The following DNMT1 variants were observed in gnomAD, a reference collection of about 807,000 sequenced individuals.
DNMT1 encodes DNA (cytosine-5)-methyltransferase 1.
In DNMT1, 24 loss-of-function variants were observed where a neutral mutation model predicts 205.3. The observed-to-expected ratio is 0.12, with a 90% confidence interval of 0.08 to 0.16. The LOEUF (loss-of-function observed/expected upper bound fraction) is 0.16. Ranked by LOEUF, DNMT1 falls within the 10% of genes least tolerant of loss-of-function variation. The probability of loss-of-function intolerance (pLI) is 1.00; values close to 1 mark genes in which losing one functional copy is unlikely to be tolerated. For synonymous variants in DNMT1, 817 were observed against 839.8 expected (o/e 0.97, Z 0.47); for missense variants, 1,293 against 2,177.7 (o/e 0.59, Z 8.09).
At chr19:10,194,693 G>C (rs1960846069) in intron 1 of DNMT1, 127 bp downstream of exon 1, 1 of 1,296,310 alleles carries the variant, frequency 7.7e-7, no homozygotes, top group Non-Finnish European at 1.0e-6. Context: ...GCCGCTGCGC[G>C]CCGCACCACC....
At position 10,133,350 on chromosome 19, in the gene DNMT1, T is replaced by G; in HGVS notation, c.*317A>C. On this transcript the variant is annotated 3_prime_UTR_variant, in exon 41 of 41. Coordinates refer to ENST00000359526, the MANE Select transcript of DNMT1 (RefSeq NM_001130823.3). This position sits in a 1 kb window ranked among gnomAD's most constrained non-coding sequence, Gnocchi z 4.1. Reference sequence around the variant, plus strand: ...ATCACGAATACCCACCCAGGGTGGTTTATAGGAGAGATTTATTTGAAGAAA... The same window carrying G: ...ATCACGAATACCCACCCAGGGTGGTGTATAGGAGAGATTTATTTGAAGAAA... 7.0e-6 allele frequency: 3 copies of G among 430,252 alleles called. No individual in the cohort carries two copies. 26.7% of individuals were successfully genotyped at this position (430,252 alleles called of 1,614,324 possible).
chr19:10,146,343 G>A lies in DNMT1; in HGVS notation c.2894+8C>T, dbSNP rs373964296. 5.0e-6 allele frequency: 8 copies of A among 1,613,704 alleles called. No homozygotes were observed. The African/African-American group carries it at 8.0e-5, about 16-fold the overall frequency. ...CCCTGGCCCCGGCTGCTCCGAGGGG[G>A]CACTTACTTGAACGTGAAGGCCTCA... On this transcript the variant is annotated splice_region_variant and intron_variant, in intron 28 of 40. Coordinates refer to ENST00000359526, the MANE Select transcript of DNMT1 (RefSeq NM_001130823.3). The surrounding 1 kb of genome is among the most constrained non-coding windows in gnomAD (Gnocchi z 4.4).
chr19:10,187,713 T>C (rs774177706), intron 1 of DNMT1, among the ~76,000 whole-genome samples: 12 of 129,116 alleles, frequency 9.3e-5, no homozygotes, highest in Admixed American at 4.8e-4. Flanking sequence ...CTACAAAAAA[T>C]AGTAATTAGC....
At chr19:10,180,968 T>C (rs2039035435) in intron 2 of DNMT1, 83 bp from the exon 3 acceptor site, 2 of 1,100,380 alleles carry the variant, frequency 1.8e-6, no homozygotes, top group South Asian at 1.3e-5. Context: ...TTGAGCTGCC[T>C]GATCACATCA....
At chr19:10,169,980 G>A (rs1419435201) in intron 9 of DNMT1, among the ~76,000 whole-genome samples, 1 of 152,108 alleles carries the variant, frequency 6.6e-6, no homozygotes, top group Non-Finnish European at 1.5e-5. Flanking sequence ...GGGTAGGAAA[G>A]GTGATCAATG....
chr19:10,144,757 G>A (rs1162064657), intron 28 of DNMT1: 2 of 152,248 alleles, frequency 1.3e-5, no homozygotes, highest in East Asian at 1.9e-4. Context: ...CGTGGTTTTT[G>A]TTGAGAGAGT....
chr19:10,147,302 T>A (rs2145285567), intron 27 of DNMT1, among the ~76,000 whole-genome samples: 1 of 147,162 alleles, frequency 6.8e-6, no homozygotes, highest in East Asian at 2.0e-4. Flanking sequence ...ATAAAAGAGG[T>A]TGGGTGATAA....
intron 27 of DNMT1, among the ~76,000 whole-genome samples, chr19:10,148,282 G>A (rs929134901): frequency 5.8e-4 from 88 of 151,236 alleles, no homozygotes; most frequent in African/African-American, 2.0e-3. Flanking sequence ...AGATCACAAG[G>A]TCAGGAGATC....
Position 10,154,475 on chromosome 19 carries a change from C to T in DNMT1, c.1837G>A (p.Ala613Thr), listed in dbSNP as rs2145307572. ...CTGATGGTCTGCCGCCTCGCCTGGG[C>T]TCGCCTACGGGAGAGGTTCCAGCAT... ...LAGVTLGQRR[A>T]QARRQTIRHS... is the part of the protein sequence containing the mutation. Residue 613 changes from alanine to threonine, a missense_variant, in exon 22 of 41, where the codon GCC becomes ACC. Physicochemically the swap from Ala to Thr is moderately conservative, Grantham distance 58. Coordinates refer to ENST00000359526, the MANE Select transcript of DNMT1 (RefSeq NM_001130823.3). This position sits in a 1 kb window ranked among gnomAD's most constrained non-coding sequence, Gnocchi z 6.3. 6.2e-7 allele frequency: 1 copy of T among 1,614,190 alleles called. No homozygotes were observed. The highest frequency in any genetic ancestry group is 1.3e-5 in the African/African-American group (1 of 75,040).
rs775110717 is a variant in DNMT1 at position 10,137,462 on chromosome 19, G to A, written c.4294-182C>T. 40 of 734,432 alleles carry A rather than the reference G, an allele frequency of 5.4e-5. No homozygotes were observed. Among genetic ancestry groups the A allele is most frequent in the Non-Finnish European group, 7.6e-5 (34 of 447,442 alleles). 45.5% of individuals were successfully genotyped at this position (734,432 alleles called of 1,614,324 possible). A position where few individuals can be genotyped will look rare whatever the true frequency, so the allele number is the denominator to read the frequency against. Reference sequence around the variant, plus strand: ...GGCCACGGCAGGGACCTGAGGCAGCGCAGGTGTAGGAGAGCGTGGGAATCT... The same window carrying A: ...GGCCACGGCAGGGACCTGAGGCAGCACAGGTGTAGGAGAGCGTGGGAATCT... On this transcript the variant is annotated intron_variant, in intron 36 of 40. Transcript: ENST00000359526. The surrounding 1 kb of genome is among the most constrained non-coding windows in gnomAD (Gnocchi z 6.4).
chr19:10,185,030 G>C (rs1444983801), intron 1 of DNMT1, among the ~76,000 whole-genome samples: 6 of 152,224 alleles, frequency 3.9e-5, no homozygotes, highest in Admixed American at 3.9e-4. Flanking sequence ...TCACATATGA[G>C]CACCTGCTGA....
At chr19:10,183,125 A>ATATACTTGTGTATAGATATATAT (rs767124770) in intron 1 of DNMT1, among the ~76,000 whole-genome samples, 1 of 117,482 alleles carries the variant, frequency 8.5e-6, no homozygotes, top group Admixed American at 9.8e-5. Context: ...ATATATATAT[A>ATATACTTGTGTATAGATATATAT]TTTTTTTTTT....
chr19:10,142,695 G>A (rs547451199), intron 29 of DNMT1: 2 of 179,704 alleles, frequency 1.1e-5, no homozygotes, highest in African/African-American at 4.7e-5. Flanking sequence ...CCCAGTTAGG[G>A]AGTCATAGGG....
In DNMT1 at chr19:10,151,332, A is replaced by G. The variant is rs959687367; in HGVS notation, c.2265+66T>C. ...CTGCCTGAGAGGTCAGGTTGGCGAG[A>G]TACTAGAGGGCAACCTGCTTATTGG... On this transcript the variant is annotated intron_variant, in intron 24 of 40. Coordinates refer to ENST00000359526, the MANE Select transcript of DNMT1 (RefSeq NM_001130823.3). This position sits in a 1 kb window ranked among gnomAD's most constrained non-coding sequence, Gnocchi z 5.0. 1 of 1,601,502 alleles carries G rather than the reference A, an allele frequency of 6.2e-7. No individual in the cohort carries two copies.
rs1402672876 is a variant in DNMT1, at chr19:10,149,934, C to T, written c.2300G>A (p.Cys767Tyr). The T allele has an allele frequency of 1.2e-6, 2 of 1,614,100 alleles. No homozygotes were observed. Among genetic ancestry groups the T allele is most frequent in the Admixed American group, 1.7e-5 (1 of 60,008 alleles). The part of the protein sequence containing the change: ...DGKKSYYKKV[C>Y]IDAETLEVGD... The stretch of plus-strand genomic sequence containing the variant: ...CACTTCCAGGGTTTCCGCATCAATG[C>T]ACACCTTCTTATAGTAACTCTTCTT... Residue 767 changes from cysteine to tyrosine, a missense_variant, in exon 25 of 41, where the codon TGC becomes TAC. Coordinates refer to ENST00000359526, the MANE Select transcript of DNMT1 (RefSeq NM_001130823.3).
At chr19:10,192,347 A>G (rs1410827899) in intron 1 of DNMT1, among the ~76,000 whole-genome samples, 1 of 152,122 alleles carries the variant, frequency 6.6e-6, no homozygotes, top group Non-Finnish European at 1.5e-5. Context: ...TTTATGTGCC[A>G]TGCATATTCT....
intron 1 of DNMT1, among the ~76,000 whole-genome samples, chr19:10,185,372 C>T (rs1271901322): frequency 6.6e-6 from 1 of 151,020 alleles, no homozygotes; most frequent in Non-Finnish European, 1.5e-5. Context: ...TTGCAGTGAG[C>T]CAAGATCATG....
rs1008303266 is a variant in DNMT1 at position 10,151,249 on chromosome 19, G to A, written c.2265+149C>T. The stretch of plus-strand genomic sequence containing the variant: ...ACTGAGCCATGGAACATGGTCTCTT[G>A]GCCAGTCCCGCTCTTCTCAGGGGCA... On this transcript the variant is annotated intron_variant, in intron 24 of 40. Coordinates refer to ENST00000359526, the MANE Select transcript of DNMT1 (RefSeq NM_001130823.3). The surrounding 1 kb of genome is among the most constrained non-coding windows in gnomAD (Gnocchi z 5.0). 3.4e-6 allele frequency: 4 copies of A among 1,193,410 alleles called. No homozygotes were observed. In the Admixed American group the frequency reaches 5.2e-5, roughly 16 times the overall value. The allele number at this position is 1,193,410 out of a possible 1,614,324, so 73.9% of individuals were successfully genotyped here.
At position 10,158,298 on chromosome 19, in the gene DNMT1, G is replaced by A. The variant is rs7247491; in HGVS notation, c.1280+1360C>T. Among the ~76,000 whole-genome samples the A allele has an allele frequency of 9.4e-3, 1,426 of 152,238 alleles. 9 individuals carry two copies. The highest frequency in any genetic ancestry group is 0.012 in the African/African-American group (496 of 41,558). ...TTGGGCCAGGCCTCGGGGGGCTAGC[G>A]GTTGCTGGTGGACGCAACAGCATCT... On this transcript the variant is annotated intron_variant, in intron 17 of 40. Transcript: ENST00000359526.
Sources: allele counts gnomAD v4.1 joint callset (sites outside exome capture counted in the v4.1 genomes callset), GRCh38; gene constraint gnomAD v4.1.1; non-coding constraint Gnocchi (gnomAD v3.1); transcripts MANE v1.5; gene names NCBI Gene and HGNC (gene_info 2026-07-23, HGNC 2026-07-21).